The following FSTL4 variants were observed in gnomAD, a reference collection of about 807,000 sequenced individuals.
The protein encoded by FSTL4 is follistatin like 4.
FSTL4 carries 28 observed loss-of-function variants against 78.2 expected under a neutral mutation model. That is an observed-to-expected ratio of 0.36 (90% confidence interval 0.27 to 0.49). The LOEUF (loss-of-function observed/expected upper bound fraction) is 0.49. Among genes scored for constraint, FSTL4 ranks in the 20% least tolerant of loss-of-function variants. The probability of loss-of-function intolerance (pLI) is 0.98; values close to 1 mark genes in which losing one functional copy is unlikely to be tolerated. For synonymous variants in FSTL4, 422 were observed against 440.5 expected, an observed-to-expected ratio of 0.96 and a Z score of 0.53; for missense variants, 922 against 1,084.9, an observed-to-expected ratio of 0.85 and a Z score of 2.11.
At chr5:133,711,506 G>T in the FSTL4 span, among the ~76,000 whole-genome samples, 584 of 152,316 alleles carry the variant, frequency 3.8e-3, 9 homozygotes, top group African/African-American at 0.014. Context: ...CTAGCACCAG[G>T]TCTCTTCCCA....
intron 3 of FSTL4, among the ~76,000 whole-genome samples, chr5:133,455,714 A>G (rs1757473992): frequency 6.6e-6 from 1 of 152,260 alleles, no homozygotes; most frequent in Non-Finnish European, 1.5e-5. Flanking sequence ...CTTCAAGAGC[A>G]AAATGATACT....
At chr5:133,237,995 G>T (rs1225206846) in intron 7 of FSTL4, among the ~76,000 whole-genome samples, 1 of 152,082 alleles carries the variant, frequency 6.6e-6, no homozygotes, top group Non-Finnish European at 1.5e-5. Context: ...TAAAGACATG[G>T]TTCTCACCTT....
chr5:133,536,369 G>A (rs1759350206), intron 3 of FSTL4, among the ~76,000 whole-genome samples: 1 of 151,948 alleles, frequency 6.6e-6, no homozygotes, highest in Non-Finnish European at 1.5e-5. Flanking sequence ...TCCCTTAACA[G>A]CATATTGTGA....
chr5:133,591,878 GAGA>G (rs1760635340), intron 2 of FSTL4, among the ~76,000 whole-genome samples: 1 of 152,132 alleles, frequency 6.6e-6, no homozygotes, highest in Non-Finnish European at 1.5e-5. Flanking sequence ...TTGGCTTTGG[GAGA>G]AGGTCTGGGG....
intron 4 of FSTL4, among the ~76,000 whole-genome samples, chr5:133,380,551 A>G (rs1304610318): frequency 6.6e-6 from 1 of 151,980 alleles, no homozygotes; most frequent in Non-Finnish European, 1.5e-5. Context: ...CACAAAGAAA[A>G]GCAAGGGACC....
At chr5:133,770,068 G>T in the FSTL4 span, among the ~76,000 whole-genome samples, 1 of 151,982 alleles carries the variant, frequency 6.6e-6, no homozygotes, top group Admixed American at 6.6e-5. Context: ...ATTCCGTGGG[G>T]TGTGTGTGGG....
the FSTL4 span, among the ~76,000 whole-genome samples, chr5:133,625,247 C>T: frequency 1.3e-5 from 2 of 151,638 alleles, no homozygotes; most frequent in East Asian, 1.9e-4. Context: ...ACCATCTGAG[C>T]TGAAGATTTT....
intron 4 of FSTL4, among the ~76,000 whole-genome samples, chr5:133,343,062 C>G (rs1754618147): frequency 6.6e-6 from 1 of 152,202 alleles, no homozygotes; most frequent in Non-Finnish European, 1.5e-5. Context: ...ACCACCCCTG[C>G]CGGCCCATCG....
chr5:133,310,113 T>C (rs1753745062), intron 6 of FSTL4, among the ~76,000 whole-genome samples: 1 of 152,212 alleles, frequency 6.6e-6, no homozygotes, highest in Admixed American at 6.5e-5. Flanking sequence ...TGAAAAACCA[T>C]TGATCCCCAT....
chr5:133,491,284 T>G (rs1008928933), intron 3 of FSTL4, among the ~76,000 whole-genome samples: 3 of 152,248 alleles, frequency 2.0e-5, no homozygotes, highest in African/African-American at 7.2e-5. Flanking sequence ...GCATATAGGT[T>G]TATGATTATT....
At chr5:133,248,578 A>G (rs1752115803) in intron 7 of FSTL4, 1 of 152,206 alleles carries the variant, frequency 6.6e-6, no homozygotes, top group African/African-American at 2.4e-5. Context: ...CTTTAAGTCT[A>G]ATAGAAGGGA....
chr5:133,641,375 A>C, the FSTL4 span, among the ~76,000 whole-genome samples: 8 of 152,368 alleles, frequency 5.3e-5, 1 homozygote, highest in South Asian at 1.7e-3. Context: ...ATTCTGGAAT[A>C]ATACATTTTT....
chr5:133,695,272 A>G, the FSTL4 span, among the ~76,000 whole-genome samples: 25 of 152,106 alleles, frequency 1.6e-4, no homozygotes, highest in Admixed American at 1.5e-3. Context: ...CATGGTTGCA[A>G]ACAGTTAACC....
the FSTL4 span, among the ~76,000 whole-genome samples, chr5:133,730,985 T>A: frequency 1.3e-5 from 2 of 152,256 alleles, no homozygotes; most frequent in East Asian, 3.9e-4. Context: ...GACTAGAACA[T>A]TTTAGGGCCA....
intron 3 of FSTL4, among the ~76,000 whole-genome samples, chr5:133,417,394 G>C (rs1756598008): frequency 6.6e-6 from 1 of 152,022 alleles, no homozygotes; most frequent in Non-Finnish European, 1.5e-5. Flanking sequence ...GGGACAATAA[G>C]AATAGGACCA....
chr5:133,811,814 C>G, the FSTL4 span, among the ~76,000 whole-genome samples: 1 of 152,200 alleles, frequency 6.6e-6, no homozygotes, highest in Non-Finnish European at 1.5e-5. Flanking sequence ...CACATAGGTG[C>G]CCATGGCTTC....
rs142262062 is a variant in FSTL4 at position 133,235,385 on chromosome 5, G to T, written c.895-1848C>A. On this transcript the variant is annotated intron_variant, in intron 7 of 15. Coordinates refer to ENST00000265342, the MANE Select transcript of FSTL4 (RefSeq NM_015082.2). Reference sequence around the variant, plus strand: ...GTGGAGGCGGGCGCCTGTAGTCCCAGCTACTCAGGAGGCTGAGGTAGGAGA... The same window carrying T: ...GTGGAGGCGGGCGCCTGTAGTCCCATCTACTCAGGAGGCTGAGGTAGGAGA... Among the ~76,000 whole-genome samples, 984 of 151,752 alleles carry T rather than the reference G, an allele frequency of 6.5e-3. 8 individuals carry two copies. Among genetic ancestry groups the T allele is most frequent in the African/African-American group, 0.022 (927 of 41,398 alleles).
chr5:133,772,992 G>A, the FSTL4 span, among the ~76,000 whole-genome samples: 2 of 151,606 alleles, frequency 1.3e-5, no homozygotes, highest in African/African-American at 4.9e-5. Flanking sequence ...TATATAAAAA[G>A]CACAAAATAA....
intron 3 of FSTL4, among the ~76,000 whole-genome samples, chr5:133,446,472 G>A (rs892153771): frequency 5.3e-5 from 8 of 152,104 alleles, no homozygotes; most frequent in Admixed American, 2.6e-4. Flanking sequence ...TCCACTAGTG[G>A]GTTCTGCTGG....
Sources: gnomAD v4.1 joint callset for allele counts (sites outside exome capture counted in the v4.1 genomes callset) on GRCh38, gnomAD v4.1.1 for gene constraint, MANE v1.5 for transcripts, NCBI Gene and HGNC (gene_info 2026-07-23, HGNC 2026-07-21) for gene names.